Variants in MPPE1 observed in about 807,000 individuals in gnomAD.
MPPE1 encodes metallo phosphoesterase.
Under a neutral mutation model 43.8 loss-of-function variants are expected in MPPE1, and 28 were observed. The ratio of observed to expected loss-of-function variants is 0.64; its 90% CI spans 0.47 to 0.88. MPPE1 has a LOEUF of 0.88. Ranked by LOEUF, MPPE1 falls within the 40% of genes least tolerant of loss-of-function variation. MPPE1 has a pLI of 0.00. For synonymous variants in MPPE1, 159 were observed against 188.5 expected (o/e 0.84, Z 1.28); for missense variants, 428 against 492.2 (o/e 0.87, Z 1.23).
At chr18:11,895,627 C>T (rs1265513553) in intron 3 of MPPE1, among the ~76,000 whole-genome samples, 1 of 152,020 alleles carries the variant, frequency 6.6e-6, no homozygotes, top group East Asian at 1.9e-4. Flanking sequence ...GAGGCTCAAA[C>T]TCTGGTGCTC....
At chr18:11,900,262 T>G (rs8090778) in intron 2 of MPPE1, among the ~76,000 whole-genome samples, 20,608 of 152,008 alleles carry the variant, frequency 0.14, 2,646 homozygotes, top group African/African-American at 0.34. Flanking sequence ...CAAGAGAATC[T>G]CTTGAACCTG....
intron 6 of MPPE1, among the ~76,000 whole-genome samples, chr18:11,887,848 G>A (rs895565160): frequency 2.0e-5 from 3 of 152,200 alleles, no homozygotes; most frequent in Non-Finnish European, 4.4e-5. Flanking sequence ...CTTCTATTAT[G>A]AGTCAGCAGA....
At chr18:11,897,728 C>T (rs1319126017) in intron 2 of MPPE1, 1 of 154,894 alleles carries the variant, frequency 6.5e-6, no homozygotes, top group African/African-American at 2.4e-5. Context: ...CAGGATTCCC[C>T]ACCACCCCTC....
rs1461709971 is a variant in MPPE1, at chr18:11,884,573, CCTCACGTGGGA to C, written c.1052_1062del (p.Leu351ArgfsTer40). The C allele has an allele frequency of 1.2e-6, 2 of 1,613,874 alleles. No individual in the cohort carries two copies. The highest frequency in any genetic ancestry group is 1.7e-6 in the Non-Finnish European group (2 of 1,180,042). On this transcript the variant is annotated frameshift_variant, in exon 11 of 11. Transcript: ENST00000588072. LOFTEE classifies it low-confidence loss of function (END_TRUNC). The stretch of plus-strand genomic sequence containing the variant: ...CCACAGTAGATGATCAAAACCACAT[CCTCACGTGGGA>C]GGTAGCACTTGGAGAGGGTGTAGTC...
In MPPE1 at chr18:11,885,799, C is replaced by T; in HGVS notation, c.885G>A (p.Gln295=). 6.2e-7 allele frequency: 1 copy of T among 1,609,818 alleles called. No individual in the cohort carries two copies. Among genetic ancestry groups the T allele is most frequent in the South Asian group, 1.1e-5 (1 of 90,962 alleles). The change falls in exon 10 of 11, where the codon CAG becomes CAA. Residue 295 remains glutamine, a synonymous_variant. Transcript: ENST00000588072. ...EASQKLLWWL[Q]PRLVLSGHTH... is the part of the protein sequence containing the mutation. ...TGTGGCCACTGAGAACCAGGCGCGG[C>T]TGGAGCCACCACAGCAGCTGACAGT...
rs1266501024 is a variant in MPPE1 at position 11,886,650 on chromosome 18, C to G, written c.745-29G>C. ...TCCGGGGTGGAGAGAGGAGTTCAGG[C>G]GGCTATCGTGAAACCACAGGCTGCC... is the stretch of plus-strand genomic sequence containing the variant. On this transcript the variant is annotated intron_variant, in intron 8 of 10. Transcript: ENST00000588072. This position sits in a 1 kb window ranked among gnomAD's most constrained non-coding sequence, Gnocchi z 4.1. 1 of 1,614,096 alleles carries G rather than the reference C, an allele frequency of 6.2e-7. No individual in the cohort carries two copies. The highest frequency in any genetic ancestry group is 1.7e-5 in the Admixed American group (1 of 60,012).
At position 11,886,458 on chromosome 18, in the gene MPPE1, C is replaced by T. The variant is rs769328347; in HGVS notation, c.867+41G>A. On this transcript the variant is annotated intron_variant, in intron 9 of 10. Transcript: ENST00000588072. This position sits in a 1 kb window ranked among gnomAD's most constrained non-coding sequence, Gnocchi z 4.1. ...TGTTGACATGCAAGGTGATGAGAGT[C>T]ACACTGTGACATGAATTAGCATCAC... The T allele has an allele frequency of 6.2e-7, 1 of 1,613,830 alleles. No homozygotes were observed. Among genetic ancestry groups the T allele is most frequent in the Non-Finnish European group, 8.5e-7 (1 of 1,179,958 alleles).
intron 2 of MPPE1, among the ~76,000 whole-genome samples, chr18:11,904,307 T>A (rs1007058980): frequency 2.7e-5 from 4 of 150,514 alleles, no homozygotes; most frequent in Non-Finnish European, 4.4e-5. Flanking sequence ...ACATAATCTT[T>A]TTTATTTATT....
chr18:11,885,559 A>G (rs1598473396), intron 10 of MPPE1, 117 bp downstream of exon 10: 1 of 1,276,544 alleles, frequency 7.8e-7, no homozygotes. Flanking sequence ...GTAGAAGGAG[A>G]GAAATTTGTG....
At chr18:11,904,093 A>C (rs1040219020) in intron 2 of MPPE1, among the ~76,000 whole-genome samples, 2 of 152,138 alleles carry the variant, frequency 1.3e-5, no homozygotes, top group Admixed American at 1.3e-4. Context: ...TCCAAAAATG[A>C]ATTTAAAATA....
chr18:11,886,820 C>T lies in MPPE1; in HGVS notation c.679-42G>A. The T allele has an allele frequency of 6.2e-7, 1 of 1,603,068 alleles. No individual in the cohort carries two copies. Among genetic ancestry groups the T allele is most frequent in the South Asian group, 1.1e-5 (1 of 90,576 alleles). On this transcript the variant is annotated intron_variant, in intron 7 of 10. Transcript: ENST00000588072. The surrounding 1 kb of genome is among the most constrained non-coding windows in gnomAD (Gnocchi z 4.1). ...AGGCCATTAATCCGCACACCTGACC[C>T]TCATCAAAGGGCAAGAAGCGCTAGG...
intron 2 of MPPE1, among the ~76,000 whole-genome samples, chr18:11,904,972 G>T (rs1268063550): frequency 6.6e-6 from 1 of 151,400 alleles, no homozygotes; most frequent in Non-Finnish European, 1.5e-5. Flanking sequence ...AAAGATAACA[G>T]AACAAAAACC....
Position 11,897,109 on chromosome 18 carries a change from A to C in MPPE1, c.156T>G (p.Pro52=). The C allele has an allele frequency of 2.0e-6, 3 of 1,494,784 alleles. No homozygotes were observed. Among genetic ancestry groups the C allele is most frequent in the Non-Finnish European group, 2.8e-6 (3 of 1,082,006 alleles). 92.6% of individuals were successfully genotyped at this position (1,494,784 alleles called of 1,614,324 possible). The change falls in exon 3 of 11, where the codon CCT becomes CCG. Residue 52 remains proline, a synonymous_variant. Coordinates refer to ENST00000588072, the MANE Select transcript of MPPE1 (RefSeq NM_023075.6). Reference sequence around the variant, plus strand: ...CATCAGAGGCTGTGGTTTTCACTTCAGGCCAATTACACTGAAAGATCGCTA... The same window carrying C: ...CATCAGAGGCTGTGGTTTTCACTTCCGGCCAATTACACTGAAAGATCGCTA... The part of the protein sequence containing the change: ...YYLAIFQCNW[P]EVKTTASDGE...
chr18:11,895,779 G>T (rs556619553), intron 3 of MPPE1, among the ~76,000 whole-genome samples: 1 of 152,208 alleles, frequency 6.6e-6, no homozygotes, highest in South Asian at 2.1e-4. Context: ...TGCCCAGGCT[G>T]GTCTCAAATT....
chr18:11,885,957 T>G, intron 9 of MPPE1, 141 bp from the exon 10 acceptor site: 1 of 864,694 alleles, frequency 1.2e-6, no homozygotes, highest in Admixed American at 3.8e-5. Flanking sequence ...CTGGTTTATT[T>G]TTTTCCTTAA....
intron 3 of MPPE1, 88 bp from the exon 4 acceptor site, chr18:11,893,664 A>G (rs2038255641): frequency 9.6e-7 from 1 of 1,042,528 alleles, no homozygotes; most frequent in Admixed American, 2.0e-5. Flanking sequence ...ACAGCAAACT[A>G]AATGGTTCCA....
intron 6 of MPPE1, among the ~76,000 whole-genome samples, 157 bp from the exon 7 acceptor site, chr18:11,887,182 T>A (rs1212628403): frequency 6.6e-6 from 1 of 152,202 alleles, no homozygotes; most frequent in Non-Finnish European, 1.5e-5. Context: ...TTTTTAAATA[T>A]GAGTCAATAT....
At position 11,884,284 on chromosome 18, in the gene MPPE1, A is replaced by T; in HGVS notation, c.*161T>A. ...ACTTTTATAGCATGAGAACAGTACA[A>T]TCAACTATTTATTTTGCAGTTACTC... is the stretch of plus-strand genomic sequence containing the variant. On this transcript the variant is annotated 3_prime_UTR_variant, in exon 11 of 11. Coordinates refer to ENST00000588072, the MANE Select transcript of MPPE1 (RefSeq NM_023075.6). The T allele has an allele frequency of 1.5e-6, 1 of 680,746 alleles. No individual in the cohort carries two copies. The allele number at this position is 680,746 out of a possible 1,614,324, so 42.2% of individuals were successfully genotyped here. A position where few individuals can be genotyped will look rare whatever the true frequency, so the allele number is the denominator to read the frequency against.
In MPPE1 at chr18:11,883,449, G is replaced by GA. The variant is rs145486167; in HGVS notation, c.*995dup. 13,873 of 152,630 alleles carry GA rather than the reference G, an allele frequency of 0.091. 1,399 individuals are homozygous for GA. Among genetic ancestry groups the GA allele is most frequent in the African/African-American group, 0.25 (10,430 of 41,308 alleles). 9.5% of individuals were successfully genotyped at this position (152,630 alleles called of 1,614,324 possible). On this transcript the variant is annotated 3_prime_UTR_variant, in exon 11 of 11. Transcript: ENST00000588072. ...ATTCAAACAACAGCCAGACTGTTAAGAAAAAAAACAAAAAGAATAACTTTT... is the reference window on the plus strand; with the variant it reads ...ATTCAAACAACAGCCAGACTGTTAAGAAAAAAAAACAAAAAGAATAACTTTT...
Sources: gnomAD v4.1 joint callset for allele counts (sites outside exome capture counted in the v4.1 genomes callset) on GRCh38, gnomAD v4.1.1 for gene constraint, Gnocchi (gnomAD v3.1) non-coding constraint, MANE v1.5 for transcripts, NCBI Gene and HGNC (gene_info 2026-07-23, HGNC 2026-07-21) for gene names.